Variants in ZBTB20 observed in about 807,000 individuals in gnomAD.
ZBTB20 encodes the protein zinc finger and BTB domain-containing protein 20.
In ZBTB20, 9 loss-of-function variants were observed where a neutral mutation model predicts 56.9. The ratio of observed to expected loss-of-function variants is 0.16; its 90% confidence interval spans 0.10 to 0.28. The LOEUF is 0.28. Among genes scored for constraint, ZBTB20 ranks in the 10% least tolerant of loss-of-function variants. ZBTB20 has a pLI of 1.00. For synonymous variants in ZBTB20, 417 were observed against 420.7 expected, an observed-to-expected ratio of 0.99 and a Z score of 0.11; for missense variants, 655 against 1,003.0, an observed-to-expected ratio of 0.65 and a Z score of 4.69.
At chr3:114,528,173 TTA>T (rs1332146555) in intron 6 of ZBTB20, among the ~76,000 whole-genome samples, 1 of 152,118 alleles carries the variant, frequency 6.6e-6, no homozygotes, top group Admixed American at 6.5e-5. Context: ...AGAGTCAAAT[TTA>T]TCTTTGTACA....
At chr3:115,024,197 G>C (rs1393019154) in intron 2 of ZBTB20, among the ~76,000 whole-genome samples, 3 of 150,900 alleles carry the variant, frequency 2.0e-5, no homozygotes, top group Non-Finnish European at 4.5e-5. Context: ...TAATAATCTT[G>C]AACTCCTAGA....
chr3:115,146,434 G>A (rs117134444), intron 1 of ZBTB20, among the ~76,000 whole-genome samples: 1 of 152,332 alleles, frequency 6.6e-6, no homozygotes, highest in East Asian at 1.9e-4. Context: ...AACAGTGTAC[G>A]AGAGACGGCA....
At chr3:114,569,537 G>T (rs1478906969) in intron 6 of ZBTB20, among the ~76,000 whole-genome samples, 1 of 152,138 alleles carries the variant, frequency 6.6e-6, no homozygotes, top group Non-Finnish European at 1.5e-5. Context: ...GATCAGTCAG[G>T]TCTCCTGGAT....
intron 6 of ZBTB20, among the ~76,000 whole-genome samples, chr3:114,510,633 A>G (rs1373691760): frequency 6.6e-6 from 1 of 152,112 alleles, no homozygotes; most frequent in Non-Finnish European, 1.5e-5. Context: ...CCCTAATCAA[A>G]ACAGCAGTGT....
At chr3:115,095,464 A>G (rs888140857) in intron 1 of ZBTB20, among the ~76,000 whole-genome samples, 1 of 152,228 alleles carries the variant, frequency 6.6e-6, no homozygotes, top group Admixed American at 6.5e-5. Context: ...ATCCTGGAGT[A>G]TAAGAGAGGT....
chr3:114,526,469 T>G (rs569945595), intron 6 of ZBTB20, among the ~76,000 whole-genome samples: 2 of 152,274 alleles, frequency 1.3e-5, no homozygotes, highest in East Asian at 1.9e-4. Flanking sequence ...CTGTCTGGCA[T>G]AGTTCACAAA....
At chr3:115,010,482 G>C (rs908605829) in intron 2 of ZBTB20, among the ~76,000 whole-genome samples, 1 of 151,900 alleles carries the variant, frequency 6.6e-6, no homozygotes, top group African/African-American at 2.4e-5. Context: ...AGAAAACAAG[G>C]AAAGAGAACA....
chr3:114,520,242 A>G (rs953906698), intron 6 of ZBTB20: 9 of 152,180 alleles, frequency 5.9e-5, no homozygotes, highest in African/African-American at 2.2e-4. Context: ...TTGACATTAT[A>G]TCAGTTGAAT....
chr3:114,860,100 A>C (rs540940579), intron 4 of ZBTB20, among the ~76,000 whole-genome samples: 1 of 152,280 alleles, frequency 6.6e-6, no homozygotes, highest in East Asian at 1.9e-4. Context: ...CGACGTCAGG[A>C]GATCAAGACC....
intron 2 of ZBTB20, among the ~76,000 whole-genome samples, chr3:115,021,362 A>G (rs934864625): frequency 1.3e-5 from 2 of 150,894 alleles, no homozygotes; most frequent in Non-Finnish European, 3.0e-5. Flanking sequence ...TAACAAGCTT[A>G]CTGTAAAGAC....
intron 5 of ZBTB20, among the ~76,000 whole-genome samples, chr3:114,789,888 A>G (rs2070809936): frequency 6.6e-6 from 1 of 152,096 alleles, no homozygotes; most frequent in African/African-American, 2.4e-5. Context: ...GATTGTGTAT[A>G]TTTTTGTTCC....
At chr3:114,433,127 A>G (rs2090241604) in intron 7 of ZBTB20, among the ~76,000 whole-genome samples, 1 of 152,138 alleles carries the variant, frequency 6.6e-6, no homozygotes, top group Admixed American at 6.5e-5. Flanking sequence ...CAGTCCTATG[A>G]GGGAGACGAG....
chr3:114,933,615 G>A (rs16823404), intron 3 of ZBTB20, among the ~76,000 whole-genome samples: 23,029 of 152,052 alleles, frequency 0.15, 2,333 homozygotes, highest in African/African-American at 0.27. Flanking sequence ...CAGGAAGAGC[G>A]TCAACATAGG....
At chr3:114,462,051 A>G (rs1429151723) in intron 7 of ZBTB20, among the ~76,000 whole-genome samples, 1 of 152,160 alleles carries the variant, frequency 6.6e-6, no homozygotes, top group African/African-American at 2.4e-5. Context: ...ATAATAATAA[A>G]TTGCTTTATG....
intron 4 of ZBTB20, chr3:114,873,283 A>G (rs2076073888): frequency 1.3e-5 from 2 of 152,178 alleles, no homozygotes; most frequent in Admixed American, 1.3e-4. Context: ...AGCACTTAAA[A>G]AAAATCAGGT....
intron 5 of ZBTB20, among the ~76,000 whole-genome samples, chr3:114,763,679 G>T (rs775538522): frequency 2.0e-5 from 3 of 151,872 alleles, no homozygotes; most frequent in Admixed American, 6.6e-5. Flanking sequence ...AATAAATAGA[G>T]ATTATTACAA....
chr3:114,900,910 C>T (rs2075092327), intron 3 of ZBTB20, among the ~76,000 whole-genome samples: 1 of 152,130 alleles, frequency 6.6e-6, no homozygotes, highest in Non-Finnish European at 1.5e-5. Context: ...AATGCTAACA[C>T]CACGTCGGAT....
intron 4 of ZBTB20, among the ~76,000 whole-genome samples, chr3:114,869,405 T>C (rs1029165965): frequency 1.3e-5 from 2 of 152,178 alleles, no homozygotes; most frequent in Non-Finnish European, 2.9e-5. Flanking sequence ...GTTGCTTCTA[T>C]GTTTTTGACA....
At chr3:115,039,984 AT>A (rs1462561669) in intron 2 of ZBTB20, among the ~76,000 whole-genome samples, 1 of 152,146 alleles carries the variant, frequency 6.6e-6, no homozygotes, top group Non-Finnish European at 1.5e-5. Flanking sequence ...ATACACACAA[AT>A]GATAAGTATG....
Sources: allele counts gnomAD v4.1 joint callset (sites outside exome capture counted in the v4.1 genomes callset), GRCh38; gene constraint gnomAD v4.1.1; transcripts MANE v1.5; gene names NCBI Gene and HGNC (gene_info 2026-07-23, HGNC 2026-07-21).